The following SEMA3D variants were observed in gnomAD, a reference collection of about 807,000 sequenced individuals.
SEMA3D encodes the protein semaphorin-3D.
SEMA3D carries 84 observed loss-of-function variants against 100.1 expected under a neutral mutation model. The ratio of observed to expected loss-of-function variants is 0.84; its 90% CI spans 0.70 to 1.01. The LOEUF is 1.01. Among genes scored for constraint, SEMA3D ranks in the 50% least tolerant of loss-of-function variants. SEMA3D has a pLI of 0.00. For missense variants in SEMA3D, 875 were observed against 934.1 expected, an observed-to-expected ratio of 0.94 and a Z score of 0.82; for synonymous variants, 312 against 320.7, an observed-to-expected ratio of 0.97 and a Z score of 0.29.
At chr7:85,217,552 T>C in the SEMA3D span, among the ~76,000 whole-genome samples, 8 of 152,038 alleles carry the variant, frequency 5.3e-5, no homozygotes, top group African/African-American at 1.9e-4. Context: ...CATAAAAAAG[T>C]GCAAGATTTA....
intron 2 of SEMA3D, chr7:85,144,785 G>A (rs1440201136): frequency 2.0e-6 from 1 of 509,340 alleles, no homozygotes; most frequent in Admixed American, 6.4e-5. Context: ...AATTTGATTA[G>A]GATTTATTAT....
rs74791003 is a variant in SEMA3D, at chr7:85,129,166, C to A, written c.-40-7235G>T. Among the ~76,000 whole-genome samples, 405 of 152,086 alleles carry A rather than the reference C, an allele frequency of 2.7e-3. 5 individuals carry two copies. Among genetic ancestry groups the A allele is most frequent in the African/African-American group, 9.3e-3 (385 of 41,528 alleles). The stretch of plus-strand genomic sequence containing the variant: ...TCAACCTCCCAAAGTATTGGGATTA[C>A]AGGCGTGAGCCACTGTGCCTCACCT... On this transcript the variant is annotated intron_variant, in intron 2 of 18. Transcript: ENST00000284136.
chr7:85,064,693 G>A (rs1791566030), intron 8 of SEMA3D, among the ~76,000 whole-genome samples: 1 of 152,100 alleles, frequency 6.6e-6, no homozygotes, highest in South Asian at 2.1e-4. Flanking sequence ...AAAATCACAT[G>A]TTAGAGAATC....
intron 5 of SEMA3D, among the ~76,000 whole-genome samples, chr7:85,079,233 A>G (rs1787982006): frequency 6.6e-6 from 1 of 152,206 alleles, no homozygotes; most frequent in African/African-American, 2.4e-5. Context: ...ATACATGTAA[A>G]TCATTGAAAA....
At chr7:85,227,716 T>G in the SEMA3D span, among the ~76,000 whole-genome samples, 1 of 152,156 alleles carries the variant, frequency 6.6e-6, no homozygotes, top group African/African-American at 2.4e-5. Flanking sequence ...AAAAATTACA[T>G]TCTTTTAGTA....
At chr7:85,159,880 G>T in intron 1 of SEMA3D, 1 of 984,926 alleles carries the variant, frequency 1.0e-6, no homozygotes, top group South Asian at 4.7e-5. Flanking sequence ...ACTGGAGGAA[G>T]GAAGCAAGAA....
At chr7:85,220,501 T>A in the SEMA3D span, among the ~76,000 whole-genome samples, 1 of 152,000 alleles carries the variant, frequency 6.6e-6, no homozygotes, top group Non-Finnish European at 1.5e-5. Flanking sequence ...TCGGGAGAAC[T>A]GATAGTGGTC....
At chr7:85,133,756 T>C (rs1486554805) in intron 2 of SEMA3D, among the ~76,000 whole-genome samples, 1 of 151,976 alleles carries the variant, frequency 6.6e-6, no homozygotes, top group Non-Finnish European at 1.5e-5. Flanking sequence ...TTTCTGCATC[T>C]ACGAAATAGG....
chr7:85,194,141 A>T, the SEMA3D span, among the ~76,000 whole-genome samples: 1 of 152,174 alleles, frequency 6.6e-6, no homozygotes, highest in Admixed American at 6.5e-5. Context: ...TGATTATGTT[A>T]TCTGCAAACA....
Position 85,101,027 on chromosome 7 carries a change from A to G in SEMA3D, c.152-3062T>C, listed in dbSNP as rs555883445. On this transcript the variant is annotated intron_variant, in intron 3 of 18. Coordinates refer to ENST00000284136, the MANE Select transcript of SEMA3D (RefSeq NM_001384900.1). ...CAGACTAGAGACCCAATGGTGTAAT[A>G]TATTTTAGCAGTTCCGAATGCAGGG... Among the ~76,000 whole-genome samples, 3 of 152,120 alleles carry G rather than the reference A, an allele frequency of 2.0e-5. No homozygotes were observed. In the East Asian group the frequency reaches 5.8e-4, roughly 30 times the overall value.
In SEMA3D at chr7:85,144,512, A is replaced by G. The variant is rs1057422107; in HGVS notation, c.-41+9096T>C. On this transcript the variant is annotated intron_variant, in intron 2 of 18. Transcript: ENST00000284136. ...GGAAAGATTCTCAGAATAGAGATATATTTTTTGCCTTATGCTTCATGTAAT... is the reference window on the plus strand; with the variant it reads ...GGAAAGATTCTCAGAATAGAGATATGTTTTTTGCCTTATGCTTCATGTAAT... The G allele has an allele frequency of 4.9e-5, 48 of 981,270 alleles. No homozygotes were observed. The African/African-American group carries it at 8.0e-4, about 16-fold the overall frequency. The allele number at this position is 981,270 out of a possible 1,614,324, so 60.8% of individuals were successfully genotyped here. A position where few individuals can be genotyped will look rare whatever the true frequency, so the allele number is the denominator to read the frequency against.
At chr7:85,094,582 C>G (rs1044549752) in intron 4 of SEMA3D, among the ~76,000 whole-genome samples, 1 of 151,944 alleles carries the variant, frequency 6.6e-6, no homozygotes, top group Non-Finnish European at 1.5e-5. Flanking sequence ...TAATCTTCAT[C>G]TCAGAGTTGG....
chr7:85,174,812 A>T lies in SEMA3D; in HGVS notation c.-173+11866T>A, dbSNP rs979535559. ...GCAATAAAATATATAAAATTATTCC[A>T]GTTGAAAGGGAAAATCGTAGCCAGA... On this transcript the variant is annotated intron_variant, in intron 1 of 18. Coordinates refer to ENST00000284136, the MANE Select transcript of SEMA3D (RefSeq NM_001384900.1). 8.5e-5 allele frequency among the ~76,000 whole-genome samples: 13 copies of T among 152,248 alleles called. No homozygotes were observed. In the East Asian group the frequency reaches 2.3e-3, roughly 27 times the overall value.
chr7:85,063,512 A>G (rs993566029), intron 8 of SEMA3D, among the ~76,000 whole-genome samples: 2 of 152,164 alleles, frequency 1.3e-5, no homozygotes, highest in African/African-American at 4.8e-5. Flanking sequence ...AAGTTTTCCC[A>G]GCATACAAAT....
At chr7:85,077,119 A>C (rs1460124318) in intron 5 of SEMA3D, among the ~76,000 whole-genome samples, 1 of 151,324 alleles carries the variant, frequency 6.6e-6, no homozygotes, top group Non-Finnish European at 1.5e-5. Flanking sequence ...AAAAAAAAAA[A>C]AAACTTTAAA....
intron 3 of SEMA3D, among the ~76,000 whole-genome samples, chr7:85,120,301 A>T (rs1358384693): frequency 6.6e-6 from 1 of 152,184 alleles, no homozygotes; most frequent in Admixed American, 6.6e-5. Flanking sequence ...AAACTAAGAT[A>T]ATTTTAGGGG....
At chr7:85,106,718 C>G (rs1788937220) in intron 3 of SEMA3D, among the ~76,000 whole-genome samples, 1 of 151,998 alleles carries the variant, frequency 6.6e-6, no homozygotes, top group Non-Finnish European at 1.5e-5. Context: ...TTAATTAACT[C>G]ACAGTTCCGT....
At chr7:85,231,936 A>G in the SEMA3D span, among the ~76,000 whole-genome samples, 12 of 152,336 alleles carry the variant, frequency 7.9e-5, no homozygotes, top group East Asian at 2.3e-3. Flanking sequence ...TGGTCACTGT[A>G]TATCAAAAAG....
chr7:85,107,930 G>A (rs746936009), intron 3 of SEMA3D, among the ~76,000 whole-genome samples: 26 of 151,894 alleles, frequency 1.7e-4, no homozygotes, highest in Non-Finnish European at 2.2e-4. Flanking sequence ...TCTCCCACCA[G>A]TCTCTCCCAC....
Sources: gnomAD v4.1 joint callset for allele counts (sites outside exome capture counted in the v4.1 genomes callset) on GRCh38, gnomAD v4.1.1 for gene constraint, MANE v1.5 for transcripts, NCBI Gene and HGNC (gene_info 2026-07-23, HGNC 2026-07-21) for gene names.